The following PALM2AKAP2 variants were observed in gnomAD, a reference collection of about 807,000 sequenced individuals.
The protein encoded by PALM2AKAP2 is PALM2-AKAP2 fusion protein.
A neutral mutation model predicts 71.5 loss-of-function variants in PALM2AKAP2; 37 were observed. The observed-to-expected ratio is 0.52, with a 90% CI of 0.40 to 0.68. The LOEUF (loss-of-function observed/expected upper bound fraction) is 0.68. PALM2AKAP2 is among the 30% of genes least tolerant of loss of function. PALM2AKAP2 has a pLI of 0.00. For missense variants in PALM2AKAP2, 1,224 were observed against 1,191.8 expected (o/e 1.03, Z -0.40); for synonymous variants, 468 against 478.8 (o/e 0.98, Z 0.29).
intron 6 of PALM2AKAP2, among the ~76,000 whole-genome samples, chr9:109,959,644 C>CA (rs11441362): frequency 0.32 from 29,130 of 90,366 alleles, 3,781 homozygotes; most frequent in East Asian, 0.6. Flanking sequence ...GACTCCGTCT[C>CA]AAAAAAAAAA....
In PALM2AKAP2 at chr9:109,695,209, T is replaced by C. The variant is rs189915490; in HGVS notation, c.5+54343T>C. ...TTTTAAATTGTCTTATAAAATGCCA[T>C]AAGCAAAGTCAAAAGCGACTTAGGC... On this transcript the variant is annotated intron_variant, in intron 1 of 6. Transcript: ENST00000374531. 8.5e-5 allele frequency among the ~76,000 whole-genome samples: 13 copies of C among 152,286 alleles called. No individual in the cohort carries two copies. The East Asian group carries it at 2.5e-3, about 29-fold the overall frequency.
At chr9:109,837,414 CTGCAAAAACA>C (rs1349792509) in intron 1 of PALM2AKAP2, among the ~76,000 whole-genome samples, 5 of 152,186 alleles carry the variant, frequency 3.3e-5, no homozygotes, top group Non-Finnish European at 7.3e-5. Context: ...GTACCAGCCA[CTGCAAAAACA>C]TGCCAAATTG....
At chr9:109,965,262 GA>G (rs1831925718) in intron 6 of PALM2AKAP2, among the ~76,000 whole-genome samples, 1 of 152,134 alleles carries the variant, frequency 6.6e-6, no homozygotes, top group Admixed American at 6.5e-5. Flanking sequence ...TGAGAGCAAG[GA>G]CTCGAACAGA....
At chr9:109,775,288 G>C (rs1829333077), upstream of PALM2AKAP2, among the ~76,000 whole-genome samples, 1 of 152,166 alleles carries the variant, frequency 6.6e-6, no homozygotes, top group African/African-American at 2.4e-5. Context: ...ATTTCCAATT[G>C]CTCATTTTCA....
chr9:109,748,769 A>G (rs62578094), intron 1 of PALM2AKAP2, among the ~76,000 whole-genome samples: 32,885 of 151,972 alleles, frequency 0.22, 3,806 homozygotes, highest in East Asian at 0.37. Flanking sequence ...TTTTGCTCAC[A>G]ATTCTGGAGT....
At chr9:109,672,491 G>T (rs1225799110) in intron 1 of PALM2AKAP2, among the ~76,000 whole-genome samples, 1 of 152,114 alleles carries the variant, frequency 6.6e-6, no homozygotes, top group Non-Finnish European at 1.5e-5. Flanking sequence ...ATGTGCTGCT[G>T]GATTTGGATT....
At chr9:109,711,018 A>T (rs1307487526) in intron 1 of PALM2AKAP2, among the ~76,000 whole-genome samples, 1 of 152,210 alleles carries the variant, frequency 6.6e-6, no homozygotes, top group Non-Finnish European at 1.5e-5. Context: ...GGTTGAAGAC[A>T]GTTTCCATGA....
At chr9:110,061,905 G>A (rs1457806041) in intron 1 of PALM2AKAP2, among the ~76,000 whole-genome samples, 1 of 149,536 alleles carries the variant, frequency 6.7e-6, no homozygotes, top group Non-Finnish European at 1.5e-5. Flanking sequence ...AGGGTACACA[G>A]CTAGTGGCAA....
intron 1 of PALM2AKAP2, among the ~76,000 whole-genome samples, chr9:109,736,473 G>T (rs1271088042): frequency 6.6e-6 from 1 of 152,140 alleles, no homozygotes; most frequent in Admixed American, 6.5e-5. Context: ...GTCTAAGCAA[G>T]ATTAGTTATT....
intron 1 of PALM2AKAP2, 97 bp downstream of exon 1, chr9:109,780,630 G>T: frequency 5.9e-6 from 9 of 1,531,030 alleles, no homozygotes; most frequent in South Asian, 1.1e-5. Flanking sequence ...CACAGTAGCC[G>T]CAGGTCATAT....
At chr9:109,807,041 A>C (rs1472101749) in intron 1 of PALM2AKAP2, among the ~76,000 whole-genome samples, 1 of 152,198 alleles carries the variant, frequency 6.6e-6, no homozygotes, top group African/African-American at 2.4e-5. Context: ...AAAGAGATAC[A>C]TGTGGGCCAA....
At chr9:109,929,745 T>C (rs1412528811) in intron 5 of PALM2AKAP2, among the ~76,000 whole-genome samples, 3 of 151,074 alleles carry the variant, frequency 2.0e-5, no homozygotes, top group African/African-American at 7.3e-5. Flanking sequence ...GCGCCTGTAG[T>C]CCCAGCTACT....
chr9:109,647,150 A>G (rs538910091), intron 1 of PALM2AKAP2, among the ~76,000 whole-genome samples: 1 of 152,276 alleles, frequency 6.6e-6, no homozygotes, highest in Admixed American at 6.5e-5. Context: ...TTTCTTTTAC[A>G]TAAATGAAAT....
At position 109,890,079 on chromosome 9, in the gene PALM2AKAP2, C is replaced by T. The variant is rs1258963136; in HGVS notation, c.257+9398C>T. Among the ~76,000 whole-genome samples the T allele has an allele frequency of 3.3e-5, 5 of 152,312 alleles. No homozygotes were observed. In the East Asian group the frequency reaches 7.7e-4, roughly 23 times the overall value. On this transcript the variant is annotated intron_variant, in intron 3 of 9. Coordinates refer to the PALM2AKAP2 transcript ENST00000302798. ...GGCTTGTAACGTGGTCATTTCCAAC[C>T]GTTCTACATTCTTGATGAAATGAAA...
intron 1 of PALM2AKAP2, among the ~76,000 whole-genome samples, chr9:109,656,775 C>T (rs1009610091): frequency 2.0e-5 from 3 of 152,062 alleles, no homozygotes; most frequent in Admixed American, 6.6e-5. Context: ...GAGAAGTGGT[C>T]GGATTTCACA....
chr9:110,135,186 T>TATATATATAG (rs1835830885), intron 1 of PALM2AKAP2, among the ~76,000 whole-genome samples: 1 of 101,734 alleles, frequency 9.8e-6, no homozygotes, highest in African/African-American at 3.8e-5. Context: ...TATATATATA[T>TATATATATAG]ATAAATCAGC....
intron 1 of PALM2AKAP2, among the ~76,000 whole-genome samples, chr9:109,822,735 C>T (rs1327619675): frequency 6.6e-6 from 1 of 152,080 alleles, no homozygotes; most frequent in African/African-American, 2.4e-5. Flanking sequence ...TGTTGTATTC[C>T]ACGGTGTATA....
intron 7 of PALM2AKAP2, among the ~76,000 whole-genome samples, chr9:110,017,040 T>C (rs1043966602): frequency 4.3e-4 from 66 of 152,184 alleles, no homozygotes; most frequent in African/African-American, 1.4e-3. Context: ...CCACCGTGCC[T>C]GGCTAATTTT....
chr9:109,789,189 A>G (rs867655362), intron 1 of PALM2AKAP2, among the ~76,000 whole-genome samples: 2 of 152,232 alleles, frequency 1.3e-5, no homozygotes, highest in African/African-American at 4.8e-5. Flanking sequence ...GTCATGCAGT[A>G]GAGAAGATAT....
Sources: gnomAD v4.1 joint callset for allele counts (sites outside exome capture counted in the v4.1 genomes callset) on GRCh38, gnomAD v4.1.1 for gene constraint, MANE v1.5 for transcripts, NCBI Gene and HGNC (gene_info 2026-07-23, HGNC 2026-07-21) for gene names.